The following FGF14 variants were observed in gnomAD, a reference collection of about 807,000 sequenced individuals.
The protein encoded by FGF14 is fibroblast growth factor homologous factor 4.
In FGF14, 5 loss-of-function variants were observed where a neutral mutation model predicts 25.5. The ratio of observed to expected loss-of-function variants is 0.20; its 90% CI spans 0.10 to 0.41. The LOEUF (loss-of-function observed/expected upper bound fraction) is 0.41. FGF14 is among the 10% of genes least tolerant of loss of function. The pLI, the probability that FGF14 is intolerant of heterozygous loss-of-function variation, is 1.00. For missense variants in FGF14, 222 were observed against 320.1 expected (o/e 0.69, Z 2.34); for synonymous variants, 138 against 118.3 (o/e 1.17, Z -1.08).
intron 3 of FGF14, among the ~76,000 whole-genome samples, chr13:101,767,098 CAAA>C (rs1418728512): frequency 6.6e-6 from 1 of 152,190 alleles, no homozygotes; most frequent in African/African-American, 2.4e-5. Flanking sequence ...AAGCTCTCCT[CAAA>C]GAAGTCTGAA....
intron 1 of FGF14, among the ~76,000 whole-genome samples, chr13:101,894,631 T>C (rs1051633625): frequency 6.6e-6 from 1 of 152,226 alleles, no homozygotes; most frequent in African/African-American, 2.4e-5. Flanking sequence ...ATATACCCAC[T>C]GACAGATTTC....
intron 1 of FGF14, among the ~76,000 whole-genome samples, chr13:101,926,869 T>C (rs566901308): frequency 1.3e-5 from 2 of 152,202 alleles, no homozygotes; most frequent in African/African-American, 2.4e-5. Context: ...CTTAACCGTA[T>C]AGGTTGACAC....
intron 1 of FGF14, among the ~76,000 whole-genome samples, chr13:101,990,416 C>T (rs1197470770): frequency 6.8e-6 from 1 of 147,220 alleles, no homozygotes; most frequent in Non-Finnish European, 1.5e-5. Context: ...ATTTTAAATA[C>T]TTTAGAATGG....
chr13:101,729,127 G>T (rs2035638840), intron 3 of FGF14, among the ~76,000 whole-genome samples: 1 of 152,026 alleles, frequency 6.6e-6, no homozygotes, highest in Non-Finnish European at 1.5e-5. Flanking sequence ...ACCTTTCTGT[G>T]AGCTGTGCCC....
rs16959456 is a variant in FGF14 at position 101,906,058 on chromosome 13, A to T, written c.193+10395T>A. 1.2e-4 allele frequency among the ~76,000 whole-genome samples: 18 copies of T among 152,242 alleles called. No individual in the cohort carries two copies. The South Asian group carries it at 3.3e-3, about 28-fold the overall frequency. On this transcript the variant is annotated intron_variant, in intron 1 of 4. Transcript: ENST00000376143. The stretch of plus-strand genomic sequence containing the variant: ...CTTTCCCTACACTTTCCTTTAATTC[A>T]TCAGGTATGAAACCAAGAAGACTGC...
At chr13:101,981,129 A>ACACT (rs58852039) in intron 1 of FGF14, among the ~76,000 whole-genome samples, 43 of 147,238 alleles carry the variant, frequency 2.9e-4, no homozygotes, top group African/African-American at 9.3e-4. Flanking sequence ...ACACACACAC[A>ACACT]ATTAGCCAGG....
At chr13:102,311,382 A>G (rs530974368) in intron 1 of FGF14, among the ~76,000 whole-genome samples, 22 of 152,278 alleles carry the variant, frequency 1.4e-4, no homozygotes, top group African/African-American at 4.3e-4. Flanking sequence ...TCTTTAAAGT[A>G]AAACTAAGTT....
chr13:102,037,768 G>A (rs2041545827), intron 1 of FGF14, among the ~76,000 whole-genome samples: 1 of 152,152 alleles, frequency 6.6e-6, no homozygotes, highest in Non-Finnish European at 1.5e-5. Flanking sequence ...TTGCAGACCA[G>A]TATCCAAGTG....
At chr13:101,799,853 A>T (rs1165114588) in intron 3 of FGF14, among the ~76,000 whole-genome samples, 3 of 149,228 alleles carry the variant, frequency 2.0e-5, no homozygotes, top group Non-Finnish European at 3.0e-5. Context: ...ACACCGAAAA[A>T]TAGTCTTCAG....
intron 1 of FGF14, among the ~76,000 whole-genome samples, chr13:102,296,963 T>C (rs1378726527): frequency 6.6e-6 from 1 of 152,104 alleles, no homozygotes; most frequent in African/African-American, 2.4e-5. Flanking sequence ...GAAGTTATCT[T>C]ACCCATGATC....
intron 1 of FGF14, among the ~76,000 whole-genome samples, chr13:101,911,050 T>A (rs920524595): frequency 2.6e-5 from 4 of 152,158 alleles, no homozygotes; most frequent in Admixed American, 6.5e-5. Context: ...ACTAAGTGGA[T>A]AAATCATATT....
chr13:101,868,879 G>T, intron 2 of FGF14, 51 bp from the exon 3 acceptor site: 1 of 1,201,104 alleles, frequency 8.3e-7, no homozygotes, highest in Non-Finnish European at 1.2e-6. Flanking sequence ...AAGCAGGGCA[G>T]AGTGTAATTT....
chr13:102,013,039 C>T (rs540901152), intron 1 of FGF14, among the ~76,000 whole-genome samples: 1 of 152,156 alleles, frequency 6.6e-6, no homozygotes, highest in South Asian at 2.1e-4. Context: ...CATGTAGTCC[C>T]AGCTACTCGA....
intron 1 of FGF14, among the ~76,000 whole-genome samples, chr13:102,378,929 T>A (rs922918597): frequency 6.6e-6 from 1 of 152,012 alleles, no homozygotes; most frequent in Non-Finnish European, 1.5e-5. Context: ...CCCATCGATA[T>A]CAACAGGATT....
chr13:101,917,055 G>T (rs1449408619), upstream of FGF14, among the ~76,000 whole-genome samples: 3 of 151,454 alleles, frequency 2.0e-5, no homozygotes, highest in Non-Finnish European at 4.4e-5. Context: ...GAGCCGGCCG[G>T]CGGCTCCCCG....
At chr13:102,233,730 C>A (rs1170508035) in intron 1 of FGF14, among the ~76,000 whole-genome samples, 3 of 152,114 alleles carry the variant, frequency 2.0e-5, no homozygotes, top group Non-Finnish European at 2.9e-5. Flanking sequence ...AGTAGAAAAC[C>A]CAGCCACTGT....
chr13:101,712,941 AATT>A lies in FGF14; in HGVS notation c.*9887_*9889del, dbSNP rs1219153007. 1.3e-5 allele frequency: 2 copies of A among 152,190 alleles called. No individual in the cohort carries two copies. Among genetic ancestry groups the A allele is most frequent in the East Asian group, 1.9e-4 (1 of 5,188 alleles). 9.4% of individuals were successfully genotyped at this position (152,190 alleles called of 1,614,324 possible). A position where few individuals can be genotyped will look rare whatever the true frequency, so the allele number is the denominator to read the frequency against. On this transcript the variant is annotated 3_prime_UTR_variant, in exon 5 of 5. Coordinates refer to ENST00000376143, the MANE Select transcript of FGF14 (RefSeq NM_004115.4). ...CTGAGAAACCACAGGGCTGTCAGTCAATTATTAAAACTGAGAAGACGTGTATAT... is the reference window on the plus strand; with the variant it reads ...CTGAGAAACCACAGGGCTGTCAGTCAATTAAAACTGAGAAGACGTGTATAT...
At chr13:102,165,966 T>A (rs1372250710) in intron 1 of FGF14, among the ~76,000 whole-genome samples, 1 of 151,906 alleles carries the variant, frequency 6.6e-6, no homozygotes, top group Non-Finnish European at 1.5e-5. Flanking sequence ...TAACCATTCT[T>A]AAATGCACAG....
chr13:102,325,863 T>C (rs1005195912), intron 1 of FGF14, among the ~76,000 whole-genome samples: 1 of 152,224 alleles, frequency 6.6e-6, no homozygotes, highest in African/African-American at 2.4e-5. Context: ...ACTGGTGTAC[T>C]CTGGTGAATA....
Sources: allele counts gnomAD v4.1 joint callset (sites outside exome capture counted in the v4.1 genomes callset), GRCh38; gene constraint gnomAD v4.1.1; transcripts MANE v1.5; gene names NCBI Gene and HGNC (gene_info 2026-07-23, HGNC 2026-07-21).